Variants in CCDC141 observed in about 807,000 individuals in gnomAD.
CCDC141 encodes the protein coiled-coil domain-containing protein 141.
A neutral mutation model predicts 181.0 loss-of-function variants in CCDC141; 168 were observed. The observed-to-expected ratio is 0.93, with a 90% CI of 0.82 to 1.05. The LOEUF is 1.05. Ranked by LOEUF, CCDC141 falls within the 50% of genes least tolerant of loss-of-function variation. CCDC141 has a pLI of 0.00. For missense variants in CCDC141, 1,902 were observed against 1,788.5 expected (o/e 1.06, Z -1.14); for synonymous variants, 666 against 642.3 (o/e 1.04, Z -0.56).
chr2:178,897,280 G>C (rs1687457528), intron 8 of CCDC141, among the ~76,000 whole-genome samples: 1 of 152,142 alleles, frequency 6.6e-6, no homozygotes, highest in South Asian at 2.1e-4. Context: ...TCGATGCTTG[G>C]AAACAACTGA....
downstream of CCDC141, among the ~76,000 whole-genome samples, chr2:178,826,161 T>C (rs1210846751): frequency 2.0e-5 from 3 of 152,176 alleles, no homozygotes; most frequent in Non-Finnish European, 4.4e-5. Flanking sequence ...TTTTGTCAAA[T>C]GTTATTTCTG....
At chr2:178,955,091 C>G (rs927177812) in intron 5 of CCDC141, among the ~76,000 whole-genome samples, 3 of 152,084 alleles carry the variant, frequency 2.0e-5, no homozygotes, top group African/African-American at 7.2e-5. Flanking sequence ...TCAAGACCAT[C>G]CTGGGCAACA....
intron 6 of CCDC141, among the ~76,000 whole-genome samples, chr2:178,938,640 A>C (rs1472958457): frequency 6.6e-6 from 1 of 152,042 alleles, no homozygotes; most frequent in African/African-American, 2.4e-5. Context: ...TCAGATATTA[A>C]ATATCTTTGT....
chr2:179,041,543 G>A (rs1286331643), intron 2 of CCDC141, among the ~76,000 whole-genome samples: 1 of 113,218 alleles, frequency 8.8e-6, no homozygotes, highest in African/African-American at 3.5e-5. Context: ...GCATCATGAT[G>A]ACAAGATGAA....
In CCDC141 at chr2:179,015,288, T is replaced by TATATCTCATATATGTATCATAC. The variant is rs1559049300; in HGVS notation, c.225+31974_225+31995dup. Among the ~76,000 whole-genome samples the TATATCTCATATATGTATCATAC allele has an allele frequency of 1.7e-4, 21 of 124,346 alleles. No individual in the cohort carries two copies. In the East Asian group the frequency reaches 2.8e-3, roughly 16 times the overall value. 81.6% of individuals were successfully genotyped at this position (124,346 alleles called of 152,430 possible). On this transcript the variant is annotated intron_variant, in intron 2 of 23. Transcript: ENST00000443758. ...TCATATATATCTCATCTATCTCTCA[T>TATATCTCATATATGTATCATAC]ATATCTCATATATGTATCATACATA...
intron 23 of CCDC141, among the ~76,000 whole-genome samples, chr2:178,835,225 T>C (rs908616601): frequency 5.3e-5 from 8 of 152,216 alleles, no homozygotes; most frequent in African/African-American, 1.7e-4. Context: ...ACAATACAGA[T>C]GTGCTGTTTT....
Position 178,862,509 on chromosome 2 carries a change from T to C in CCDC141, c.2724+3258A>G, listed in dbSNP as rs142206929. 8.8e-4 allele frequency among the ~76,000 whole-genome samples: 134 copies of C among 152,342 alleles called. 1 individual carries two copies. Among genetic ancestry groups the C allele is most frequent in the African/African-American group, 3.1e-3 (130 of 41,588 alleles). ...TGTAAAGAATGATGTTTCTGTGTCA[T>C]GTAATATGGCAGAGAATATGTCTAC... On this transcript the variant is annotated intron_variant, in intron 17 of 23. Coordinates refer to ENST00000443758, the MANE Select transcript of CCDC141 (RefSeq NM_173648.4).
At chr2:179,007,435 G>A (rs1024346774) in intron 2 of CCDC141, among the ~76,000 whole-genome samples, 1 of 152,066 alleles carries the variant, frequency 6.6e-6, no homozygotes, top group Non-Finnish European at 1.5e-5. Flanking sequence ...CAAAAGTATT[G>A]CATCTGATAA....
At chr2:178,977,642 T>C (rs1691180080) in intron 3 of CCDC141, among the ~76,000 whole-genome samples, 1 of 152,238 alleles carries the variant, frequency 6.6e-6, no homozygotes, top group South Asian at 2.1e-4. Flanking sequence ...TTTCTATTAC[T>C]AATCTTCTTT....
Position 179,036,264 on chromosome 2 carries a change from T to C in CCDC141, c.225+11020A>G, listed in dbSNP as rs540725274. ...TAAATCAACTCCCATCAACACTTCATTGGTTATGGTCATACTCTAAACTCC... is the reference window on the plus strand; with the variant it reads ...TAAATCAACTCCCATCAACACTTCACTGGTTATGGTCATACTCTAAACTCC... On this transcript the variant is annotated intron_variant, in intron 2 of 23. Transcript: ENST00000443758. Among the ~76,000 whole-genome samples, 12 of 152,316 alleles carry C rather than the reference T, an allele frequency of 7.9e-5. No individual in the cohort carries two copies. The South Asian group carries it at 8.3e-4, about 11-fold the overall frequency.
chr2:178,960,611 A>T (rs565106642), intron 5 of CCDC141, among the ~76,000 whole-genome samples: 1 of 152,276 alleles, frequency 6.6e-6, no homozygotes, highest in South Asian at 2.1e-4. Context: ...CACTCTTCAC[A>T]TCAAATAATT....
intron 2 of CCDC141, among the ~76,000 whole-genome samples, chr2:179,005,569 G>A (rs2042101441): frequency 6.6e-6 from 1 of 152,092 alleles, no homozygotes; most frequent in Non-Finnish European, 1.5e-5. Context: ...CTACAAGACT[G>A]TGTGGGACCT....
At chr2:178,843,606 A>G (rs902363540) in intron 22 of CCDC141, among the ~76,000 whole-genome samples, 1 of 152,204 alleles carries the variant, frequency 6.6e-6, no homozygotes, top group African/African-American at 2.4e-5. Flanking sequence ...TCCAGGAAAA[A>G]AAATCCCTGC....
intron 2 of CCDC141, among the ~76,000 whole-genome samples, chr2:179,038,621 T>C (rs540259715): frequency 6.6e-6 from 1 of 152,340 alleles, no homozygotes; most frequent in Non-Finnish European, 1.5e-5. Flanking sequence ...AGGTAAGTTT[T>C]TGTAAGACTT....
chr2:178,846,320 G>A (rs943367710), intron 21 of CCDC141, among the ~76,000 whole-genome samples: 2 of 152,162 alleles, frequency 1.3e-5, no homozygotes, highest in African/African-American at 4.8e-5. Flanking sequence ...GTGGGGGTTT[G>A]CAAAGTACTG....
intron 2 of CCDC141, among the ~76,000 whole-genome samples, chr2:178,993,979 C>T (rs1575320191): frequency 2.0e-5 from 3 of 152,174 alleles, no homozygotes; most frequent in Non-Finnish European, 4.4e-5. Context: ...TGGACTTAGG[C>T]AGATCTGCCC....
chr2:179,030,549 G>GA (rs2042973887), intron 2 of CCDC141, among the ~76,000 whole-genome samples: 1 of 151,920 alleles, frequency 6.6e-6, no homozygotes. Flanking sequence ...TTTGTAAACA[G>GA]ACAATTCACC....
intron 2 of CCDC141, among the ~76,000 whole-genome samples, chr2:179,000,951 C>T (rs897698228): frequency 3.3e-5 from 5 of 152,076 alleles, no homozygotes; most frequent in African/African-American, 1.2e-4. Flanking sequence ...GTGTGTAATG[C>T]AGTGTGTAAC....
At chr2:178,994,803 C>T (rs946414248) in intron 2 of CCDC141, among the ~76,000 whole-genome samples, 2 of 152,144 alleles carry the variant, frequency 1.3e-5, no homozygotes, top group Non-Finnish European at 2.9e-5. Context: ...ACCATATGCC[C>T]TAAATCATCT....
Sources: gnomAD v4.1 joint callset for allele counts (sites outside exome capture counted in the v4.1 genomes callset) on GRCh38, gnomAD v4.1.1 for gene constraint, MANE v1.5 for transcripts, NCBI Gene and HGNC (gene_info 2026-07-23, HGNC 2026-07-21) for gene names.